Variants in DEPDC4 observed in about 807,000 individuals in gnomAD.
DEPDC4 encodes the protein DEP domain containing 4.
A neutral mutation model predicts 52.0 loss-of-function variants in DEPDC4; 52 were observed. That is an observed-to-expected ratio of 1.00 (90% confidence interval 0.80 to 1.26). The LOEUF (loss-of-function observed/expected upper bound fraction) is 1.26. Ranked by LOEUF, DEPDC4 falls within the 50% of genes most tolerant of loss-of-function variation. DEPDC4 has a pLI of 0.00. For missense variants in DEPDC4, 530 were observed against 546.9 expected (o/e 0.97, Z 0.31); for synonymous variants, 201 against 196.8 (o/e 1.02, Z -0.18).
At chr12:100,238,394 A>G (rs11110308), downstream of DEPDC4, among the ~76,000 whole-genome samples, 20,941 of 151,710 alleles carry the variant, frequency 0.14, 2,029 homozygotes, top group Non-Finnish European at 0.21. Context: ...TCCTGATCTC[A>G]GGTCATCTGC....
At chr12:100,232,082 A>C (rs2096135541) in intron 9 of DEPDC4, among the ~76,000 whole-genome samples, 1 of 152,248 alleles carries the variant, frequency 6.6e-6, no homozygotes, top group Admixed American at 6.5e-5. Context: ...AACTTGAGTC[A>C]GTGAACAGTT....
Position 100,263,702 on chromosome 12 carries a change from A to G in DEPDC4, c.349T>C (p.Cys117Arg), listed in dbSNP as rs1315629843. The G allele has an allele frequency of 6.2e-7, 1 of 1,614,152 alleles. No individual in the cohort carries two copies. Among genetic ancestry groups the G allele is most frequent in the South Asian group, 1.1e-5 (1 of 91,084 alleles). The change falls in exon 2 of 10, where the codon TGT becomes CGT. Residue 117 changes from cysteine (C) to arginine (R), a missense_variant. Coordinates refer to ENST00000550587, the MANE Select transcript of DEPDC4 (RefSeq NM_001364818.2). ...TGGCAAAGATGAACCCCTTTAAGAC[A>G]AGAGATGTCATTGCTACTTAGGCAC... ...NTCLSSNDIS[C>R]LKGVHLCQVL...
At chr12:100,249,192 G>T (rs2096198024) in intron 7 of DEPDC4, among the ~76,000 whole-genome samples, 1 of 152,042 alleles carries the variant, frequency 6.6e-6, no homozygotes. Flanking sequence ...CTTCATGTGT[G>T]TACTGTATTT....
Position 100,263,891 on chromosome 12 carries a change from A to G in DEPDC4, c.160T>C (p.Cys54Arg). The G allele has an allele frequency of 5.1e-6, 8 of 1,580,134 alleles. No homozygotes were observed. The highest frequency in any genetic ancestry group is 6.9e-6 in the Non-Finnish European group (8 of 1,165,050). ...TGAGTAGCTTGAAAAGGACCAGAGC[A>G]TCCTGAAAAAAATTAAATATGCATT... is the stretch of plus-strand genomic sequence containing the variant. ...DGFCRKRRTG[C>R]SGPFQATQLW... The change falls in exon 2 of 10, where the codon TGC (cysteine) becomes CGC (arginine). Residue 54 changes from cysteine to arginine, a missense_variant and splice_region_variant. By Grantham distance (180) the Cys-to-Arg change is radical. Transcript: ENST00000550587.
chr12:100,252,662 A>C, intron 5 of DEPDC4, 126 bp from the exon 6 acceptor site: 1 of 862,376 alleles, frequency 1.2e-6, no homozygotes, highest in Non-Finnish European at 1.7e-6. Flanking sequence ...TTCTACAATT[A>C]AAATTTTTTA....
chr12:100,262,520 C>A, intron 2 of DEPDC4, 111 bp from the exon 3 acceptor site: 5 of 776,512 alleles, frequency 6.4e-6, no homozygotes, highest in South Asian at 5.7e-5. Context: ...TTTCCAAAAA[C>A]GATTTCAGGC....
At chr12:100,270,088 G>A (rs926173253), upstream of DEPDC4, among the ~76,000 whole-genome samples, 1 of 151,476 alleles carries the variant, frequency 6.6e-6, no homozygotes, top group Non-Finnish European at 1.5e-5. Flanking sequence ...CCAGGTTCAC[G>A]CCATTCTCCT....
chr12:100,252,389 T>G lies in DEPDC4; in HGVS notation c.1248+5A>C, dbSNP rs780485562. The stretch of plus-strand genomic sequence containing the variant: ...AATGGCAAAACTTATTGCAAAATTT[T>G]TCACCTGTTTTTGCAACTTGTAGGC... On this transcript the variant is annotated splice_donor_5th_base_variant and intron_variant, in intron 6 of 9. Transcript: ENST00000550587. The G allele has an allele frequency of 6.5e-7, 1 of 1,543,294 alleles. No individual in the cohort carries two copies. Among genetic ancestry groups the G allele is most frequent in the South Asian group, 1.2e-5 (1 of 82,736 alleles).
At chr12:100,275,864 T>C in the DEPDC4 span, among the ~76,000 whole-genome samples, 1 of 152,232 alleles carries the variant, frequency 6.6e-6, no homozygotes, top group Non-Finnish European at 1.5e-5. Flanking sequence ...TGTTCTTAGT[T>C]TCCTAAGAGT....
intron 3 of DEPDC4, chr12:100,261,607 T>C (rs1198112497): frequency 4.8e-6 from 2 of 417,480 alleles, no homozygotes; most frequent in Non-Finnish European, 9.6e-6. Flanking sequence ...GCAGGACAAA[T>C]ACTAAGGACT....
At chr12:100,256,996 C>T (rs1158510154) in intron 3 of DEPDC4, among the ~76,000 whole-genome samples, 1 of 152,004 alleles carries the variant, frequency 6.6e-6, no homozygotes, top group Non-Finnish European at 1.5e-5. Flanking sequence ...CTTGGATTTC[C>T]AGTCATTCCT....
upstream of DEPDC4, among the ~76,000 whole-genome samples, chr12:100,269,002 G>T: frequency 6.6e-6 from 1 of 152,110 alleles, no homozygotes; most frequent in East Asian, 1.9e-4. Context: ...GACTACTTCC[G>T]TAGCCTCCTG....
chr12:100,278,360 T>A, the DEPDC4 span, among the ~76,000 whole-genome samples: 2 of 151,872 alleles, frequency 1.3e-5, no homozygotes, highest in African/African-American at 4.8e-5. Flanking sequence ...ACACCATACC[T>A]GGATAATTTT....
intron 9 of DEPDC4, among the ~76,000 whole-genome samples, chr12:100,232,874 A>C (rs2096136609): frequency 6.6e-6 from 1 of 151,796 alleles, no homozygotes; most frequent in African/African-American, 2.4e-5. Flanking sequence ...ACAAGAGGGA[A>C]ACTCCATCTC....
downstream of DEPDC4, among the ~76,000 whole-genome samples, chr12:100,235,543 AC>A (rs2096140083): frequency 7.0e-6 from 1 of 142,944 alleles, no homozygotes; most frequent in Non-Finnish European, 1.5e-5. Flanking sequence ...CCACCCTTTC[AC>A]CCCCAAGTCC....
rs916059842 is a variant in DEPDC4 at position 100,241,260 on chromosome 12, T to A, written c.*632A>T. On this transcript the variant is annotated 3_prime_UTR_variant, in exon 10 of 10. Coordinates refer to ENST00000550587, the MANE Select transcript of DEPDC4 (RefSeq NM_001364818.2). ...GAAATTAACTGTACTAGATCCCTAATAATAGCAGCACATTTATTAAGTGAT... is the reference window on the plus strand; with the variant it reads ...GAAATTAACTGTACTAGATCCCTAAAAATAGCAGCACATTTATTAAGTGAT... 2.0e-5 allele frequency among the ~76,000 whole-genome samples: 3 copies of A among 152,312 alleles called. No individual in the cohort carries two copies. Among genetic ancestry groups the A allele is most frequent in the African/African-American group, 7.2e-5 (3 of 41,568 alleles).
In DEPDC4 at chr12:100,254,394, T is replaced by C. The variant is rs149632337; in HGVS notation, c.879-679A>G. Reference sequence around the variant, plus strand: ...AGGCTGGAGTACACTGGCATGATCTTGGCTTACTGCAACATCTGCCTCCTG... The same window carrying C: ...AGGCTGGAGTACACTGGCATGATCTCGGCTTACTGCAACATCTGCCTCCTG... On this transcript the variant is annotated intron_variant, in intron 4 of 9. Coordinates refer to ENST00000550587, the MANE Select transcript of DEPDC4 (RefSeq NM_001364818.2). Among the ~76,000 whole-genome samples the C allele has an allele frequency of 5.0e-4, 75 of 149,336 alleles. 1 individual carries two copies. The East Asian group carries it at 0.014, about 29-fold the overall frequency.
chr12:100,280,013 A>G, the DEPDC4 span, among the ~76,000 whole-genome samples: 11 of 152,234 alleles, frequency 7.2e-5, no homozygotes, highest in Admixed American at 6.5e-5. Flanking sequence ...CAATTCAGCT[A>G]GATAGCTACT....
rs151062401 is a variant in DEPDC4 at position 100,241,952 on chromosome 12, C to A, written c.*47-107G>T. ...TCCAAACTGGTCTTACGGTATGTTA[C>A]CTATGCCTAGGCTTTCTTTGTTCCA... is the stretch of plus-strand genomic sequence containing the variant. On this transcript the variant is annotated intron_variant, in intron 9 of 9. Transcript: ENST00000550587. 1.3e-4 allele frequency: 84 copies of A among 629,018 alleles called. No individual in the cohort carries two copies. The African/African-American group carries it at 1.6e-3, about 12-fold the overall frequency. The allele number at this position is 629,018 out of a possible 1,614,324, so 39.0% of individuals were successfully genotyped here.
Sources: allele counts gnomAD v4.1 joint callset (sites outside exome capture counted in the v4.1 genomes callset), GRCh38; gene constraint gnomAD v4.1.1; transcripts MANE v1.5; gene names NCBI Gene and HGNC (gene_info 2026-07-23, HGNC 2026-07-21).